Variants in CADM2 observed in about 807,000 individuals in gnomAD.
The protein encoded by CADM2 is immunoglobulin superfamily member 4D.
CADM2 carries 12 observed loss-of-function variants against 49.8 expected under a neutral mutation model. That is an observed-to-expected ratio of 0.24 (90% CI 0.15 to 0.39). The LOEUF (loss-of-function observed/expected upper bound fraction) is 0.39, where lower values mean the gene tolerates loss of function less well. Among genes scored for constraint, CADM2 ranks in the 10% least tolerant of loss-of-function variants. The pLI is 1.00. For missense variants in CADM2, 378 were observed against 492.3 expected, an observed-to-expected ratio of 0.77 and a Z score of 2.20; for synonymous variants, 214 against 175.4, an observed-to-expected ratio of 1.22 and a Z score of -1.74.
chr3:85,976,695 A>C (rs1003013150), intron 8 of CADM2, among the ~76,000 whole-genome samples: 18 of 151,644 alleles, frequency 1.2e-4, no homozygotes, highest in Admixed American at 7.9e-4. Context: ...TTTTAAACCC[A>C]ATTGTCATTT....
intron 1 of CADM2, among the ~76,000 whole-genome samples, chr3:85,144,812 C>G (rs1009486035): frequency 1.3e-5 from 2 of 152,000 alleles, no homozygotes; most frequent in African/African-American, 4.8e-5. Flanking sequence ...ATCATAATTA[C>G]TGGTAAAAAT....
At chr3:85,458,238 T>G (rs2038082560) in intron 1 of CADM2, among the ~76,000 whole-genome samples, 1 of 152,214 alleles carries the variant, frequency 6.6e-6, no homozygotes, top group South Asian at 2.1e-4. Flanking sequence ...AGGGATTTCA[T>G]GTTTTGTATT....
intron 1 of CADM2, among the ~76,000 whole-genome samples, chr3:85,277,252 A>G (rs1044161322): frequency 6.6e-6 from 1 of 151,414 alleles, no homozygotes; most frequent in Non-Finnish European, 1.5e-5. Flanking sequence ...CTGTTATACA[A>G]TGAGAAAAAT....
At chr3:85,530,591 A>C (rs547686222) in intron 1 of CADM2, among the ~76,000 whole-genome samples, 87 of 152,028 alleles carry the variant, frequency 5.7e-4, no homozygotes, top group Admixed American at 5.5e-3. Flanking sequence ...GGCCTCCCAA[A>C]GTGCTGGGAT....
intron 1 of CADM2, among the ~76,000 whole-genome samples, chr3:85,517,433 A>G (rs1184527253): frequency 6.6e-6 from 1 of 152,156 alleles, no homozygotes; most frequent in Non-Finnish European, 1.5e-5. Context: ...GCCATTGTAA[A>G]TGAGAATATA....
intron 7 of CADM2, among the ~76,000 whole-genome samples, chr3:85,949,382 C>A (rs1178917013): frequency 1.3e-5 from 2 of 151,110 alleles, no homozygotes; most frequent in East Asian, 3.9e-4. Context: ...AAAATTGTTA[C>A]AATAAGCATA....
chr3:85,888,120 A>G (rs992260425), intron 5 of CADM2, among the ~76,000 whole-genome samples: 13 of 152,180 alleles, frequency 8.5e-5, no homozygotes, highest in Non-Finnish European at 1.5e-4. Context: ...TTAATTAATT[A>G]GTTGTTTACT....
At chr3:85,530,625 G>A (rs559944101) in intron 1 of CADM2, among the ~76,000 whole-genome samples, 33 of 151,978 alleles carry the variant, frequency 2.2e-4, no homozygotes, top group Admixed American at 3.3e-4. Flanking sequence ...CACTGCGCCC[G>A]GCCCACTTTT....
At chr3:85,999,957 G>A (rs2108737426) in intron 8 of CADM2, among the ~76,000 whole-genome samples, 1 of 152,272 alleles carries the variant, frequency 6.6e-6, no homozygotes, top group South Asian at 2.1e-4. Flanking sequence ...AATGCTGTGA[G>A]AATGCTAGGG....
At chr3:86,020,699 A>G (rs1486585555) in intron 8 of CADM2, among the ~76,000 whole-genome samples, 1 of 152,120 alleles carries the variant, frequency 6.6e-6, no homozygotes, top group East Asian at 1.9e-4. Flanking sequence ...AAATCAATAA[A>G]TGTAATCCAG....
intron 8 of CADM2, among the ~76,000 whole-genome samples, chr3:85,989,114 C>T (rs908942531): frequency 2.0e-5 from 3 of 152,070 alleles, no homozygotes; most frequent in Non-Finnish European, 2.9e-5. Flanking sequence ...CCCATTCCTC[C>T]ACTCTGTTAC....
chr3:85,934,477 A>T (rs1342335103), intron 6 of CADM2, among the ~76,000 whole-genome samples: 3 of 151,834 alleles, frequency 2.0e-5, no homozygotes, highest in Non-Finnish European at 4.4e-5. Flanking sequence ...TTTCAGATTA[A>T]TTTTTCTTCC....
chr3:85,801,976 A>G (rs1443365429), intron 2 of CADM2, 71 bp from the exon 3 acceptor site: 14 of 1,266,304 alleles, frequency 1.1e-5, no homozygotes, highest in African/African-American at 1.5e-5. Context: ...AGTTAAGGCC[A>G]GTGTAGATCT....
chr3:85,635,586 C>T (rs1182961565), intron 1 of CADM2, among the ~76,000 whole-genome samples: 2 of 152,042 alleles, frequency 1.3e-5, no homozygotes, highest in Admixed American at 6.6e-5. Context: ...TTAAGTATTT[C>T]CTTTTTACTA....
At chr3:85,066,201 G>C (rs1238745846) in intron 1 of CADM2, among the ~76,000 whole-genome samples, 1 of 151,982 alleles carries the variant, frequency 6.6e-6, no homozygotes, top group Non-Finnish European at 1.5e-5. Context: ...AGACAAAGGA[G>C]GTTGTTCCTG....
intron 1 of CADM2, among the ~76,000 whole-genome samples, chr3:85,068,308 C>G (rs559872504): frequency 6.6e-6 from 1 of 152,062 alleles, no homozygotes; most frequent in Admixed American, 6.6e-5. Context: ...TTTCCTCAAC[C>G]AAGTGTCAGG....
chr3:85,475,627 C>A (rs2038946214), intron 1 of CADM2, among the ~76,000 whole-genome samples: 1 of 151,780 alleles, frequency 6.6e-6, no homozygotes, highest in African/African-American at 2.4e-5. Flanking sequence ...TATAACAAAG[C>A]ATCTGATTAC....
intron 1 of CADM2, among the ~76,000 whole-genome samples, chr3:85,237,552 A>G (rs958692460): frequency 2.6e-5 from 4 of 151,244 alleles, no homozygotes; most frequent in Non-Finnish European, 4.4e-5. Flanking sequence ...GAATATATAA[A>G]TACATAAATA....
At chr3:85,134,236 G>T (rs952420305) in intron 1 of CADM2, among the ~76,000 whole-genome samples, 3 of 152,196 alleles carry the variant, frequency 2.0e-5, no homozygotes, top group Non-Finnish European at 1.5e-5. Flanking sequence ...TCCCGCTCGC[G>T]CGTCTCCCTC....
Sources: allele counts gnomAD v4.1 joint callset (sites outside exome capture counted in the v4.1 genomes callset), GRCh38; gene constraint gnomAD v4.1.1; transcripts MANE v1.5; gene names NCBI Gene and HGNC (gene_info 2026-07-23, HGNC 2026-07-21).